The following FBXL7 variants were observed in gnomAD, a reference collection of about 807,000 sequenced individuals.
FBXL7 encodes F-box and leucine rich repeat protein 7, also known as F-box/LRR-repeat protein 7.
Under a neutral mutation model 38.3 loss-of-function variants are expected in FBXL7, and 12 were observed. The ratio of observed to expected loss-of-function variants is 0.31; its 90% confidence interval spans 0.20 to 0.51. The LOEUF (loss-of-function observed/expected upper bound fraction) is 0.51, where lower values mean the gene tolerates loss of function less well. Among genes scored for constraint, FBXL7 ranks in the 20% least tolerant of loss-of-function variants. FBXL7 has a pLI of 0.98. For synonymous variants in FBXL7, 297 were observed against 300.9 expected (o/e 0.99, Z 0.13); for missense variants, 567 against 676.4 (o/e 0.84, Z 1.79).
intron 2 of FBXL7, among the ~76,000 whole-genome samples, chr5:15,811,423 G>T (rs1037908229): frequency 6.6e-6 from 1 of 152,088 alleles, no homozygotes; most frequent in South Asian, 2.1e-4. Flanking sequence ...TTCTCTGTGT[G>T]TGTGTATACC....
Position 15,605,459 on chromosome 5 carries a change from T to A in FBXL7, c.38-10524T>A, listed in dbSNP as rs1255503370. Among the ~76,000 whole-genome samples the A allele has an allele frequency of 2.0e-5, 3 of 152,174 alleles. No homozygotes were observed. In the East Asian group the frequency reaches 5.8e-4, roughly 29 times the overall value. On this transcript the variant is annotated intron_variant, in intron 1 of 3. Transcript: ENST00000504595. Reference sequence around the variant, plus strand: ...ATGTGGGTGAACCTTGAAGACATTATGCTAGGTGGAATAAGCTAGATACAG... The same window carrying A: ...ATGTGGGTGAACCTTGAAGACATTAAGCTAGGTGGAATAAGCTAGATACAG...
chr5:15,823,750 A>G (rs257753), intron 2 of FBXL7, among the ~76,000 whole-genome samples: 86,195 of 151,786 alleles, frequency 0.57, 25,027 homozygotes, highest in Non-Finnish European at 0.64. Flanking sequence ...ACCATCTCAA[A>G]TGTACAAAGA....
intron 2 of FBXL7, among the ~76,000 whole-genome samples, chr5:15,886,785 G>A (rs933070645): frequency 2.0e-5 from 3 of 152,186 alleles, no homozygotes; most frequent in Non-Finnish European, 4.4e-5. Context: ...ATATGTGTTT[G>A]CCCAAGTGTT....
intron 3 of FBXL7, among the ~76,000 whole-genome samples, chr5:15,935,779 A>G (rs1398097420): frequency 6.6e-6 from 1 of 152,218 alleles, no homozygotes; most frequent in African/African-American, 2.4e-5. Context: ...GCGTTTTCAG[A>G]GCACATGCAT....
chr5:15,656,766 GA>G lies in FBXL7; in HGVS notation c.127+40704del, dbSNP rs550652996. On this transcript the variant is annotated intron_variant, in intron 2 of 3. Coordinates refer to ENST00000504595, the MANE Select transcript of FBXL7 (RefSeq NM_012304.5). ...AATATCTAATAGCCATGTATAATTT[GA>G]AAAAAAAAATACAGCTAATGAATGA... 4.2e-3 allele frequency among the ~76,000 whole-genome samples: 612 copies of G among 146,168 alleles called. 2 individuals carry two copies. The highest frequency in any genetic ancestry group is 6.3e-3 in the Non-Finnish European group (416 of 66,252).
At chr5:15,698,276 T>C (rs990835510) in intron 2 of FBXL7, among the ~76,000 whole-genome samples, 1 of 152,202 alleles carries the variant, frequency 6.6e-6, no homozygotes, top group Non-Finnish European at 1.5e-5. Flanking sequence ...CCCATCCCAG[T>C]AGCCATCACC....
chr5:15,673,654 T>C (rs182935687), intron 2 of FBXL7, among the ~76,000 whole-genome samples: 3 of 152,266 alleles, frequency 2.0e-5, no homozygotes, highest in Admixed American at 2.0e-4. Flanking sequence ...GTCTTCAGAG[T>C]CTCTAAGCCA....
chr5:15,614,143 T>A (rs1740359104), intron 1 of FBXL7, among the ~76,000 whole-genome samples: 2 of 152,216 alleles, frequency 1.3e-5, no homozygotes, highest in African/African-American at 4.8e-5. Flanking sequence ...AAGAAAAGAC[T>A]GTTGGAAAAT....
At chr5:15,793,788 A>G (rs1737338179) in intron 2 of FBXL7, among the ~76,000 whole-genome samples, 1 of 152,216 alleles carries the variant, frequency 6.6e-6, no homozygotes, top group African/African-American at 2.4e-5. Flanking sequence ...GGTATAGAAC[A>G]GTGAAGAAGA....
At chr5:15,563,585 G>A (rs1738479020) in intron 1 of FBXL7, among the ~76,000 whole-genome samples, 2 of 152,032 alleles carry the variant, frequency 1.3e-5, no homozygotes, top group South Asian at 4.1e-4. Flanking sequence ...GTTCTCTTTA[G>A]AGGATGTCAT....
chr5:15,509,821 C>T (rs13161679), intron 1 of FBXL7, among the ~76,000 whole-genome samples: 4,091 of 152,276 alleles, frequency 0.027, 81 homozygotes, highest in Non-Finnish European at 0.04. Context: ...AAAAACCTGG[C>T]CTGCCTGGGT....
chr5:15,609,248 C>A (rs777732777), intron 1 of FBXL7, among the ~76,000 whole-genome samples: 3 of 152,138 alleles, frequency 2.0e-5, no homozygotes, highest in Non-Finnish European at 4.4e-5. Context: ...GAGGTCAAGC[C>A]GCTGCCTGCT....
chr5:15,630,184 T>A (rs924535253), intron 2 of FBXL7, among the ~76,000 whole-genome samples: 1 of 152,154 alleles, frequency 6.6e-6, no homozygotes, highest in Non-Finnish European at 1.5e-5. Context: ...ACATTCTGAG[T>A]CACTAAATGA....
At position 15,937,592 on chromosome 5, in the gene FBXL7, G is replaced by T; in HGVS notation, c.*406G>T. The T allele has an allele frequency of 5.3e-6, 1 of 186,972 alleles. No individual in the cohort carries two copies. The highest frequency in any genetic ancestry group is 1.1e-5 in the Non-Finnish European group (1 of 91,598). The allele number at this position is 186,972 out of a possible 1,614,324, so 11.6% of individuals were successfully genotyped here. A position where few individuals can be genotyped will look rare whatever the true frequency, so the allele number is the denominator to read the frequency against. ...CCTCCCTCCCTAGAGCAGCAGCGAG[G>T]ATCCATCATCAGAATCACAGTGCTC... is the stretch of plus-strand genomic sequence containing the variant. On this transcript the variant is annotated 3_prime_UTR_variant, in exon 4 of 4. Transcript: ENST00000504595.
At position 15,876,161 on chromosome 5, in the gene FBXL7, A is replaced by G. The variant is rs78145001; in HGVS notation, c.128-51729A>G. 7.0e-3 allele frequency among the ~76,000 whole-genome samples: 1,063 copies of G among 152,210 alleles called. 20 individuals carry two copies. The highest frequency in any genetic ancestry group is 0.024 in the African/African-American group (1,014 of 41,532). On this transcript the variant is annotated intron_variant, in intron 2 of 3. Coordinates refer to ENST00000504595, the MANE Select transcript of FBXL7 (RefSeq NM_012304.5). ...GCAAACTAACAGAACAGAAAACCCA[A>G]TACCGCATGTTCTCACTCATAAGTG...
chr5:15,913,574 T>C (rs1421972594), intron 2 of FBXL7, among the ~76,000 whole-genome samples: 1 of 152,210 alleles, frequency 6.6e-6, no homozygotes, highest in East Asian at 1.9e-4. Flanking sequence ...TTAGTATCTT[T>C]TTACTAGAAT....
chr5:15,826,184 C>A (rs563419226), intron 2 of FBXL7, among the ~76,000 whole-genome samples: 1 of 152,170 alleles, frequency 6.6e-6, no homozygotes, highest in African/African-American at 2.4e-5. Context: ...AGCTCCAGTT[C>A]TTTTCGAAGT....
intron 3 of FBXL7, among the ~76,000 whole-genome samples, chr5:15,934,299 C>T (rs1742119955): frequency 6.6e-6 from 1 of 152,164 alleles, no homozygotes; most frequent in Non-Finnish European, 1.5e-5. Flanking sequence ...GCCAACACAC[C>T]CAGTCGGTTT....
At chr5:15,810,644 A>G (rs1403128624) in intron 2 of FBXL7, among the ~76,000 whole-genome samples, 1 of 151,798 alleles carries the variant, frequency 6.6e-6, no homozygotes, top group Non-Finnish European at 1.5e-5. Flanking sequence ...TTTTATTTGC[A>G]TCTTTATTTT....
Sources: gnomAD v4.1 joint callset for allele counts (sites outside exome capture counted in the v4.1 genomes callset) on GRCh38, gnomAD v4.1.1 for gene constraint, MANE v1.5 for transcripts, NCBI Gene and HGNC (gene_info 2026-07-23, HGNC 2026-07-21) for gene names.